Variants in TTLL7 observed in about 807,000 individuals in gnomAD.
TTLL7 encodes tubulin tyrosine ligase like 7, also known as tubulin polyglutamylase TTLL7.
TTLL7 carries 53 observed loss-of-function variants against 120.2 expected under a neutral mutation model. The ratio of observed to expected loss-of-function variants is 0.44; its 90% CI spans 0.35 to 0.55. TTLL7 has a LOEUF of 0.55. Ranked by LOEUF, TTLL7 falls within the 20% of genes least tolerant of loss-of-function variation. The pLI is 0.00. For synonymous variants in TTLL7, 353 were observed against 351.7 expected, an observed-to-expected ratio of 1.00 and a Z score of -0.04; for missense variants, 803 against 1,054.7, an observed-to-expected ratio of 0.76 and a Z score of 3.31.
intron 20 of TTLL7, 73 bp from the exon 21 acceptor site, chr1:83,870,155 A>G (rs1557499069): frequency 7.2e-7 from 1 of 1,385,020 alleles, no homozygotes; most frequent in Non-Finnish European, 9.6e-7. Flanking sequence ...TTATGTGGTT[A>G]GCAATTTACG....
chr1:83,890,457 T>C lies in TTLL7; in HGVS notation c.2233A>G (p.Ile745Val). ...RKVLDIVKTS[I>V]RTVLPRIWKV... ...CAGATGCGTGGAAGAACTGTACGAA[T>C]ACTTGTTTTCACTATGTCCAAAACC... The change falls in exon 19 of 21, where the codon ATT (isoleucine) becomes GTT (valine). Residue 745 changes from isoleucine (I) to valine (V), a missense_variant. By Grantham distance (29) the Ile-to-Val change is conservative (BLOSUM62 3). This residue lies in a region of TTLL7 where 388 missense variants were observed against 450.4 expected (regional missense o/e 0.86). Coordinates refer to ENST00000260505, the MANE Select transcript of TTLL7 (RefSeq NM_024686.6). 6.2e-7 allele frequency: 1 copy of C among 1,612,508 alleles called. No homozygotes were observed. The highest frequency in any genetic ancestry group is 8.5e-7 in the Non-Finnish European group (1 of 1,179,274).
intron 1 of TTLL7, among the ~76,000 whole-genome samples, chr1:83,964,093 A>G (rs1447384663): frequency 6.6e-6 from 1 of 152,150 alleles, no homozygotes; most frequent in Admixed American, 6.6e-5. Flanking sequence ...GAAACAAAAT[A>G]CTAATAGACT....
At chr1:83,870,846 T>C (rs959862781) in intron 20 of TTLL7, among the ~76,000 whole-genome samples, 3 of 151,336 alleles carry the variant, frequency 2.0e-5, no homozygotes, top group Non-Finnish European at 4.4e-5. Flanking sequence ...GGGGCAGAGG[T>C]TGCGGTGAGC....
chr1:83,871,476 G>A (rs1348772046), intron 20 of TTLL7, among the ~76,000 whole-genome samples: 1 of 152,110 alleles, frequency 6.6e-6, no homozygotes, highest in African/African-American at 2.4e-5. Flanking sequence ...ATAAAATCAG[G>A]ATAAAGATAC....
At chr1:83,885,685 C>T (rs989803052) in intron 19 of TTLL7, among the ~76,000 whole-genome samples, 5 of 152,014 alleles carry the variant, frequency 3.3e-5, no homozygotes, top group Non-Finnish European at 5.9e-5. Context: ...GGCCCTAGGG[C>T]AGTGGGTGCC....
At chr1:83,882,401 G>T (rs1654596853) in intron 20 of TTLL7, among the ~76,000 whole-genome samples, 1 of 81,774 alleles carries the variant, frequency 1.2e-5, no homozygotes, top group South Asian at 4.0e-4. Flanking sequence ...ATGCTAAAAG[G>T]TACTTTCTTT....
chr1:83,890,502 C>T (rs760351235), intron 18 of TTLL7, 21 bp from the exon 19 acceptor site: 3 of 1,596,368 alleles, frequency 1.9e-6, no homozygotes, highest in East Asian at 2.2e-5. Flanking sequence ...AACCAAAGTA[C>T]TTACAATCTA....
intron 1 of TTLL7, among the ~76,000 whole-genome samples, chr1:83,970,980 T>C (rs982525027): frequency 5.9e-5 from 9 of 151,896 alleles, no homozygotes; most frequent in African/African-American, 2.2e-4. Flanking sequence ...ACTAATTCCA[T>C]GGCAATTCCT....
rs1244484649 is a variant in TTLL7, at chr1:83,867,155, T to G, written c.*2807A>C. The G allele has an allele frequency of 7.9e-5, 12 of 152,062 alleles. No homozygotes were observed. The allele number at this position is 152,062 out of a possible 1,614,324, so 9.4% of individuals were successfully genotyped here. A position where few individuals can be genotyped will look rare whatever the true frequency, so the allele number is the denominator to read the frequency against. On this transcript the variant is annotated 3_prime_UTR_variant, in exon 21 of 21. Coordinates refer to ENST00000260505, the MANE Select transcript of TTLL7 (RefSeq NM_024686.6). Reference sequence around the variant, plus strand: ...GGAGTCACACCTGTACAATCACTTATGCTTATATGTTTTAACCTATGAATA... The same window carrying G: ...GGAGTCACACCTGTACAATCACTTAGGCTTATATGTTTTAACCTATGAATA...
In TTLL7 at chr1:83,910,149, C is replaced by T. The variant is rs554639748; in HGVS notation, c.1786+1016G>A. On this transcript the variant is annotated intron_variant, in intron 15 of 20. Coordinates refer to ENST00000260505, the MANE Select transcript of TTLL7 (RefSeq NM_024686.6). ...GAATAATGTATAAACAAAGACCATT[C>T]CTCTAAAAGCTTCATCTATTGGTTC... 1.1e-4 allele frequency among the ~76,000 whole-genome samples: 17 copies of T among 152,210 alleles called. No homozygotes were observed. In the South Asian group the frequency reaches 3.3e-3, roughly 30 times the overall value.
At chr1:83,979,945 G>A (rs1008029806) in intron 1 of TTLL7, 5 of 152,278 alleles carry the variant, frequency 3.3e-5, no homozygotes, top group Middle Eastern at 3.4e-3. Context: ...AATCAAATAC[G>A]CATCATGTTC....
At chr1:83,951,060 G>A (rs1054695319) in intron 3 of TTLL7, among the ~76,000 whole-genome samples, 1 of 152,002 alleles carries the variant, frequency 6.6e-6, no homozygotes, top group African/African-American at 2.4e-5. Flanking sequence ...ACGTTTAGAA[G>A]GAACGTAGGC....
chr1:83,917,756 A>T (rs980214983), intron 13 of TTLL7, 66 bp from the exon 14 acceptor site: 2 of 1,027,216 alleles, frequency 1.9e-6, no homozygotes, highest in African/African-American at 1.6e-5. Context: ...CAAGTTGATT[A>T]ATCTCCACAA....
At chr1:83,946,055 C>T (rs1648462621) in intron 6 of TTLL7, 1 of 151,924 alleles carries the variant, frequency 6.6e-6, no homozygotes, top group Non-Finnish European at 1.5e-5. Flanking sequence ...ATTAAAATGA[C>T]TCATGTATTT....
intron 10 of TTLL7, among the ~76,000 whole-genome samples, chr1:83,925,508 G>A (rs1330888925): frequency 6.6e-6 from 1 of 152,160 alleles, no homozygotes; most frequent in East Asian, 1.9e-4. Flanking sequence ...GAAGCAGGAA[G>A]GAAACCAATA....
At chr1:83,951,483 CAAATTT>C (rs1649046228) in intron 3 of TTLL7, among the ~76,000 whole-genome samples, 3 of 152,156 alleles carry the variant, frequency 2.0e-5, no homozygotes, top group East Asian at 3.9e-4. Flanking sequence ...TTCATAAATT[CAAATTT>C]GTCAGGTCAG....
At chr1:83,982,294 A>G (rs1338259191) in intron 1 of TTLL7, among the ~76,000 whole-genome samples, 1 of 152,198 alleles carries the variant, frequency 6.6e-6, no homozygotes, top group Non-Finnish European at 1.5e-5. Context: ...AAATTTAGAC[A>G]CCTAAATGCT....
rs144708953 is a variant in TTLL7, at chr1:83,871,618, G to A, written c.2544-1536C>T. Among the ~76,000 whole-genome samples the A allele has an allele frequency of 3.6e-3, 549 of 151,748 alleles. 3 individuals are homozygous for A. The highest frequency in any genetic ancestry group is 8.9e-3 in the African/African-American group (367 of 41,368). Reference sequence around the variant, plus strand: ...CATTAGAATTCTCCAGGGATAGGCCGGGCGCGGTGGCTCACGCCTGTAATC... The same window carrying A: ...CATTAGAATTCTCCAGGGATAGGCCAGGCGCGGTGGCTCACGCCTGTAATC... On this transcript the variant is annotated intron_variant, in intron 20 of 20. Transcript: ENST00000260505.
At chr1:83,947,434 C>T in intron 5 of TTLL7, 152 bp from the exon 6 acceptor site, 1 of 674,548 alleles carries the variant, frequency 1.5e-6, no homozygotes, top group South Asian at 2.1e-5. Flanking sequence ...CAAATGTCTA[C>T]TGAGCACCTA....
Sources: gnomAD v4.1 joint callset for allele counts (sites outside exome capture counted in the v4.1 genomes callset) on GRCh38, gnomAD v4.1.1 for gene constraint, gnomAD v4.1.1 regional missense constraint, MANE v1.5 for transcripts, NCBI Gene and HGNC (gene_info 2026-07-23, HGNC 2026-07-21) for gene names.